The following NSMF variants were observed in gnomAD, a reference collection of about 807,000 sequenced individuals.
The protein encoded by NSMF is NMDA receptor synaptonuclear signaling and neuronal migration factor, also known as nasal embryonic LHRH factor.
NSMF carries 31 observed loss-of-function variants against 71.0 expected under a neutral mutation model. The ratio of observed to expected loss-of-function variants is 0.44; its 90% confidence interval spans 0.33 to 0.59. NSMF has a LOEUF of 0.59. Among genes scored for constraint, NSMF ranks in the 20% least tolerant of loss-of-function variants. NSMF has a pLI of 0.04. For missense variants in NSMF, 673 were observed against 740.5 expected, an observed-to-expected ratio of 0.91 and a Z score of 1.06; for synonymous variants, 345 against 287.1, an observed-to-expected ratio of 1.20 and a Z score of -2.04.
rs1830646691 is a variant in NSMF at position 137,453,397 on chromosome 9, G to A, written c.923-217C>T. On this transcript the variant is annotated intron_variant, in intron 8 of 15. Coordinates refer to ENST00000371475, the MANE Select transcript of NSMF (RefSeq NM_001130969.3). The surrounding 1 kb of genome is among the most constrained non-coding windows in gnomAD (Gnocchi z 4.5). ...GAAGGGAGACCCTGGTGCGAGGCCG[G>A]TGGAAGGCGCGTGCAGGCATCAGCT... The A allele has an allele frequency of 3.0e-6, 2 of 660,926 alleles. No homozygotes were observed. The highest frequency in any genetic ancestry group is 1.8e-5 in the African/African-American group (1 of 55,134). 40.9% of individuals were successfully genotyped at this position (660,926 alleles called of 1,614,324 possible).
At chr9:137,452,893 G>A in intron 9 of NSMF, 74 bp from the exon 10 acceptor site, 3 of 1,547,580 alleles carry the variant, frequency 1.9e-6, no homozygotes, top group South Asian at 1.1e-5. Flanking sequence ...CCCCCATGAG[G>A]CTACCTTCTG....
Position 137,449,143 on chromosome 9 carries a change from G to C in NSMF, c.*251C>G, listed in dbSNP as rs1053415279. On this transcript the variant is annotated 3_prime_UTR_variant, in exon 16 of 16. Transcript: ENST00000371475. The stretch of plus-strand genomic sequence containing the variant: ...CCTCCAGGCGAGGCATGGCAGGTCA[G>C]TGCCTGGCCGCTGAGCATCCACGGG... 1.9e-5 allele frequency: 11 copies of C among 586,586 alleles called. No homozygotes were observed. The highest frequency in any genetic ancestry group is 1.5e-4 in the African/African-American group (8 of 53,584). 36.3% of individuals were successfully genotyped at this position (586,586 alleles called of 1,614,324 possible). A position where few individuals can be genotyped will look rare whatever the true frequency, so the allele number is the denominator to read the frequency against.
Position 137,453,007 on chromosome 9 carries a change from C to A in NSMF, c.1047+49G>T. The A allele has an allele frequency of 1.2e-6, 2 of 1,609,310 alleles. No individual in the cohort carries two copies. The highest frequency in any genetic ancestry group is 1.7e-6 in the Non-Finnish European group (2 of 1,179,674). ...AGAGCTGGCTGGACTCGGGTTGGGG[C>A]GGAGTCCTGCTCGGGGTGTAGAGGA... On this transcript the variant is annotated intron_variant, in intron 9 of 15. Coordinates refer to ENST00000371475, the MANE Select transcript of NSMF (RefSeq NM_001130969.3). This position sits in a 1 kb window ranked among gnomAD's most constrained non-coding sequence, Gnocchi z 4.5.
rs1020650994 is a variant in NSMF, at chr9:137,448,798, C to T, written c.*596G>A. On this transcript the variant is annotated 3_prime_UTR_variant, in exon 16 of 16. Coordinates refer to ENST00000371475, the MANE Select transcript of NSMF (RefSeq NM_001130969.3). The surrounding 1 kb of genome is among the most constrained non-coding windows in gnomAD (Gnocchi z 5.3). ...AGAGGAGTGTAAGTGAAAGCACAGA[C>T]AGTCGGAGACTCGGCCAGTGTAGAC... 2 of 162,702 alleles carry T rather than the reference C, an allele frequency of 1.2e-5. No individual in the cohort carries two copies. Among genetic ancestry groups the T allele is most frequent in the African/African-American group, 4.8e-5 (2 of 41,562 alleles). 10.1% of individuals were successfully genotyped at this position (162,702 alleles called of 1,614,324 possible).
Position 137,455,638 on chromosome 9 carries a change from A to G in NSMF, c.705-4T>C. The G allele has an allele frequency of 6.4e-7, 1 of 1,550,424 alleles. No homozygotes were observed. Among genetic ancestry groups the G allele is most frequent in the Non-Finnish European group, 8.7e-7 (1 of 1,146,916 alleles). ...TCATACAGGTACTTACGAGATGCTG[A>G]AGCCAGGGCCAGAAGGGATGGCGTG... On this transcript the variant is annotated splice_region_variant and splice_polypyrimidine_tract_variant and intron_variant, in intron 4 of 15. Coordinates refer to ENST00000371475, the MANE Select transcript of NSMF (RefSeq NM_001130969.3).
At chr9:137,456,634 G>A (rs776893367) in intron 3 of NSMF, 148 bp from the exon 4 acceptor site, 17 of 714,290 alleles carry the variant, frequency 2.4e-5, no homozygotes, top group Admixed American at 5.9e-5. Flanking sequence ...ATCCCCACAC[G>A]GGCACAGAGG....
rs1035967507 is a variant in NSMF, at chr9:137,453,316, G to A, written c.923-136C>T. ...CAAGTGGGAGGACCATACAGAGGTC[G>A]CCGCCAGCCCGGCAGGACAGGCCTG... On this transcript the variant is annotated intron_variant, in intron 8 of 15. Coordinates refer to ENST00000371475, the MANE Select transcript of NSMF (RefSeq NM_001130969.3). The surrounding 1 kb of genome is among the most constrained non-coding windows in gnomAD (Gnocchi z 4.5). 3.6e-5 allele frequency: 46 copies of A among 1,273,042 alleles called. No homozygotes were observed. In the Admixed American group the frequency reaches 5.0e-4, roughly 14 times the overall value. 78.9% of individuals were successfully genotyped at this position (1,273,042 alleles called of 1,614,324 possible). A position where few individuals can be genotyped will look rare whatever the true frequency, so the allele number is the denominator to read the frequency against.
At position 137,455,609 on chromosome 9, in the gene NSMF, C is replaced by G; in HGVS notation, c.710+20G>C. On this transcript the variant is annotated intron_variant, in intron 5 of 15. Coordinates refer to ENST00000371475, the MANE Select transcript of NSMF (RefSeq NM_001130969.3). ...GGACAACAGCTGTGCCCTTAGGCAC[C>G]AAGTCATACAGGTACTTACGAGATG... 6.5e-7 allele frequency: 1 copy of G among 1,550,210 alleles called. No homozygotes were observed. Among genetic ancestry groups the G allele is most frequent in the Non-Finnish European group, 8.7e-7 (1 of 1,146,812 alleles).
chr9:137,454,619 C>G, intron 6 of NSMF, 176 bp from the exon 7 acceptor site: 2 of 1,540,334 alleles, frequency 1.3e-6, no homozygotes, highest in Non-Finnish European at 1.7e-6. Context: ...CAGTGCTCTT[C>G]CCGCGACAGC....
Position 137,455,267 on chromosome 9 carries a change from C to G in NSMF, c.751G>C (p.Glu251Gln), listed in dbSNP as rs150552443. 5 of 1,612,716 alleles carry G rather than the reference C, an allele frequency of 3.1e-6. No individual in the cohort carries two copies. Among genetic ancestry groups the G allele is most frequent in the Non-Finnish European group, 4.2e-6 (5 of 1,179,940 alleles). Residue 251 changes from glutamate (E) to glutamine (Q), a missense_variant, in exon 6 of 16, where the codon GAG (glutamate) becomes CAG (glutamine). Coordinates refer to ENST00000371475, the MANE Select transcript of NSMF (RefSeq NM_001130969.3). ...GYAERKRRKR[E>Q]NDSASVIQRN... is the part of the protein sequence containing the mutation. ...TGGATTACAGACGCGGAATCATTCT[C>G]CCGTTTCCGGCGCTTCCTCTCCGCG... is the stretch of plus-strand genomic sequence containing the variant.
At chr9:137,456,620 T>G (rs1588508361) in intron 3 of NSMF, 134 bp from the exon 4 acceptor site, 13 of 716,638 alleles carry the variant, frequency 1.8e-5, no homozygotes, top group East Asian at 2.7e-5. Context: ...GGGGGGAGGG[T>G]GGCATCCCCA....
rs1830664157 is a variant in NSMF, at chr9:137,453,653, G to A, written c.922+78C>T. On this transcript the variant is annotated intron_variant, in intron 8 of 15. Transcript: ENST00000371475. This position sits in a 1 kb window ranked among gnomAD's most constrained non-coding sequence, Gnocchi z 4.5. ...TGCAAAAGCGCAGCCCAGCGGCCCT[G>A]GCAGGGGACCCCCAGCAGGGGTCTG... 1 of 1,183,424 alleles carries A rather than the reference G, an allele frequency of 8.5e-7. No individual in the cohort carries two copies. Among genetic ancestry groups the A allele is most frequent in the Non-Finnish European group, 1.2e-6 (1 of 847,558 alleles). 73.3% of individuals were successfully genotyped at this position (1,183,424 alleles called of 1,614,324 possible). A position where few individuals can be genotyped will look rare whatever the true frequency, so the allele number is the denominator to read the frequency against.
Position 137,449,182 on chromosome 9 carries a change from T to C in NSMF, c.*212A>G. On this transcript the variant is annotated 3_prime_UTR_variant, in exon 16 of 16. Transcript: ENST00000371475. ...AGCATCCACGGGCCACAGGGCGGGATCCTCCCGGCCCCCAGGGACTGCAGC... is the reference window on the plus strand; with the variant it reads ...AGCATCCACGGGCCACAGGGCGGGACCCTCCCGGCCCCCAGGGACTGCAGC... The C allele has an allele frequency of 1.7e-6, 1 of 603,258 alleles. No homozygotes were observed. Among genetic ancestry groups the C allele is most frequent in the Non-Finnish European group, 3.0e-6 (1 of 336,668 alleles). The allele number at this position is 603,258 out of a possible 1,614,324, so 37.4% of individuals were successfully genotyped here. A position where few individuals can be genotyped will look rare whatever the true frequency, so the allele number is the denominator to read the frequency against.
Position 137,459,218 on chromosome 9 carries a change from T to C in NSMF, c.-116A>G. The C allele has an allele frequency of 1.3e-6, 1 of 754,936 alleles. No individual in the cohort carries two copies. Among genetic ancestry groups the C allele is most frequent in the Non-Finnish European group, 1.7e-6 (1 of 603,070 alleles). The allele number at this position is 754,936 out of a possible 1,614,324, so 46.8% of individuals were successfully genotyped here. A position where few individuals can be genotyped will look rare whatever the true frequency, so the allele number is the denominator to read the frequency against. On this transcript the variant is annotated 5_prime_UTR_variant, in exon 1 of 16. Coordinates refer to ENST00000371475, the MANE Select transcript of NSMF (RefSeq NM_001130969.3). ...CTCGGGCTCGGGCTCGGGGTCTCGCTCGGGCTCCGGCTCGGGCTTGGGCTC... is the reference window on the plus strand; with the variant it reads ...CTCGGGCTCGGGCTCGGGGTCTCGCCCGGGCTCCGGCTCGGGCTTGGGCTC...
intron 7 of NSMF, 41 bp downstream of exon 7, chr9:137,454,350 G>A (rs778600505): frequency 1.2e-5 from 19 of 1,538,862 alleles, no homozygotes; most frequent in Non-Finnish European, 1.7e-5. Context: ...AACCAGCCAA[G>A]CGCAACGCCG....
intron 12 of NSMF, among the ~76,000 whole-genome samples, chr9:137,452,151 C>T (rs538999862): frequency 1.9e-4 from 17 of 88,956 alleles, no homozygotes; most frequent in Admixed American, 5.6e-4. Flanking sequence ...CCACCCCAGC[C>T]TCTTCCCCTT....
chr9:137,456,038 G>A lies in NSMF; in HGVS notation c.704+373C>T, dbSNP rs73567207. Among the ~76,000 whole-genome samples, 992 of 152,376 alleles carry A rather than the reference G, an allele frequency of 6.5e-3. 14 individuals carry two copies. Among genetic ancestry groups the A allele is most frequent in the Middle Eastern group, 0.027 (8 of 294 alleles). ...GTCCCTGCGGGGACCCTGAAACTGT[G>A]ATGACCTATGGCACGTATGAAACAG... On this transcript the variant is annotated intron_variant, in intron 4 of 15. Coordinates refer to ENST00000371475, the MANE Select transcript of NSMF (RefSeq NM_001130969.3).
chr9:137,453,625 G>A lies in NSMF; in HGVS notation c.922+106C>T, dbSNP rs1830662935. 7.6e-6 allele frequency: 6 copies of A among 791,944 alleles called. No individual in the cohort carries two copies. The highest frequency in any genetic ancestry group is 1.2e-5 in the Non-Finnish European group (6 of 507,230). 49.1% of individuals were successfully genotyped at this position (791,944 alleles called of 1,614,324 possible). Reference sequence around the variant, plus strand: ...CACAAACAGGTAAACCAAGATTCAGGAGTGCAAAAGCGCAGCCCAGCGGCC... The same window carrying A: ...CACAAACAGGTAAACCAAGATTCAGAAGTGCAAAAGCGCAGCCCAGCGGCC... On this transcript the variant is annotated intron_variant, in intron 8 of 15. Coordinates refer to ENST00000371475, the MANE Select transcript of NSMF (RefSeq NM_001130969.3). This position sits in a 1 kb window ranked among gnomAD's most constrained non-coding sequence, Gnocchi z 4.5.
rs1831026323 is a variant in NSMF, at chr9:137,458,914, C to T, written c.71+118G>A. The T allele has an allele frequency of 3.6e-5, 27 of 759,558 alleles. No individual in the cohort carries two copies. In the South Asian group the frequency reaches 5.4e-4, roughly 15 times the overall value. The allele number at this position is 759,558 out of a possible 1,614,324, so 47.1% of individuals were successfully genotyped here. ...AGGGAGGCGCGGGGCGCGGGGAGGGCGCCTCAGTGGCAGAGGCCGGGGCCC... is the reference window on the plus strand; with the variant it reads ...AGGGAGGCGCGGGGCGCGGGGAGGGTGCCTCAGTGGCAGAGGCCGGGGCCC... On this transcript the variant is annotated intron_variant, in intron 1 of 15. Transcript: ENST00000371475.
Sources: gnomAD v4.1 joint callset for allele counts (sites outside exome capture counted in the v4.1 genomes callset) on GRCh38, gnomAD v4.1.1 for gene constraint, Gnocchi (gnomAD v3.1) non-coding constraint, MANE v1.5 for transcripts, NCBI Gene and HGNC (gene_info 2026-07-23, HGNC 2026-07-21) for gene names.